Variants in GPATCH2 observed in about 807,000 individuals in gnomAD.
The protein encoded by GPATCH2 is G-patch domain containing 2.
Under a neutral mutation model 58.0 loss-of-function variants are expected in GPATCH2, and 51 were observed. The ratio of observed to expected loss-of-function variants is 0.88; its 90% CI spans 0.70 to 1.11. The LOEUF (loss-of-function observed/expected upper bound fraction) is 1.11, where lower values mean the gene tolerates loss of function less well. GPATCH2 is among the 50% of genes most tolerant of loss of function. The probability of loss-of-function intolerance (pLI) is 0.00; values close to 1 mark genes in which losing one functional copy is unlikely to be tolerated. For synonymous variants in GPATCH2, 222 were observed against 218.5 expected, an observed-to-expected ratio of 1.02 and a Z score of -0.14; for missense variants, 625 against 652.2, an observed-to-expected ratio of 0.96 and a Z score of 0.45.
chr1:217,433,361 C>CATATATATATAT (rs1183174400), intron 9 of GPATCH2, among the ~76,000 whole-genome samples: 2 of 118,584 alleles, frequency 1.7e-5, no homozygotes, highest in African/African-American at 6.6e-5. Context: ...TTAAGCTGTT[C>CATATATATATAT]ATATATATAT....
chr1:217,462,589 T>C (rs566681247), intron 8 of GPATCH2, among the ~76,000 whole-genome samples: 146 of 152,276 alleles, frequency 9.6e-4, no homozygotes, highest in African/African-American at 3.3e-3. Flanking sequence ...TTTCCTCCTA[T>C]GTAAAATGGG....
Position 217,431,092 on chromosome 1 carries a change from G to A in GPATCH2, c.*53C>T, listed in dbSNP as rs1205242819. On this transcript the variant is annotated 3_prime_UTR_variant, in exon 10 of 10. Coordinates refer to ENST00000366935, the MANE Select transcript of GPATCH2 (RefSeq NM_018040.5). ...AAACAGAAGTCATGTTATCATTTTAGAACAATGGGACATAGTGAATAAAGT... is the reference window on the plus strand; with the variant it reads ...AAACAGAAGTCATGTTATCATTTTAAAACAATGGGACATAGTGAATAAAGT... The A allele has an allele frequency of 3.5e-5, 32 of 911,334 alleles. No individual in the cohort carries two copies. The highest frequency in any genetic ancestry group is 5.2e-5 in the Non-Finnish European group (28 of 540,892). The allele number at this position is 911,334 out of a possible 1,614,324, so 56.5% of individuals were successfully genotyped here.
chr1:217,537,478 G>A (rs1386106770), intron 5 of GPATCH2, among the ~76,000 whole-genome samples: 1 of 152,024 alleles, frequency 6.6e-6, no homozygotes, highest in Non-Finnish European at 1.5e-5. Context: ...GATTATAAGT[G>A]CTTTGCACTG....
chr1:217,435,968 T>C (rs1227964983), intron 9 of GPATCH2, among the ~76,000 whole-genome samples: 1 of 152,200 alleles, frequency 6.6e-6, no homozygotes. Flanking sequence ...TTTAAATAGT[T>C]AAGTGCATAA....
At chr1:217,550,422 C>G (rs1353687361) in intron 5 of GPATCH2, among the ~76,000 whole-genome samples, 2 of 151,752 alleles carry the variant, frequency 1.3e-5, no homozygotes, top group African/African-American at 4.8e-5. Flanking sequence ...ATTCATTACC[C>G]TCAAAGTTGA....
intron 5 of GPATCH2, among the ~76,000 whole-genome samples, chr1:217,516,064 ATCTAAAGTAAGCTAC>A (rs543493535): frequency 6.6e-5 from 10 of 151,926 alleles, no homozygotes; most frequent in Non-Finnish European, 1.3e-4. Context: ...AAAATTTAAA[ATCTAAAGTAAGCTAC>A]TCCTTTTTTT....
chr1:217,578,078 A>G (rs1409634901), intron 5 of GPATCH2, among the ~76,000 whole-genome samples: 5 of 105,598 alleles, frequency 4.7e-5, no homozygotes, highest in African/African-American at 1.8e-4. Flanking sequence ...ACTCCACTTC[A>G]TGGGGGTGGG....
intron 6 of GPATCH2, among the ~76,000 whole-genome samples, chr1:217,507,140 A>C (rs1662602367): frequency 6.6e-6 from 1 of 152,204 alleles, no homozygotes; most frequent in African/African-American, 2.4e-5. Flanking sequence ...CTTCTGAATG[A>C]ATGGACAAAT....
At chr1:217,562,108 A>G (rs535303576) in intron 5 of GPATCH2, among the ~76,000 whole-genome samples, 3 of 152,204 alleles carry the variant, frequency 2.0e-5, no homozygotes, top group Non-Finnish European at 4.4e-5. Context: ...CAACCTTAGC[A>G]ATTCCAAATG....
At chr1:217,464,209 T>C (rs1463712263) in intron 8 of GPATCH2, among the ~76,000 whole-genome samples, 1 of 152,112 alleles carries the variant, frequency 6.6e-6, no homozygotes, top group Admixed American at 6.5e-5. Flanking sequence ...ATGTATATAA[T>C]AACATGTGGC....
At chr1:217,622,582 T>C (rs1571673337) in intron 1 of GPATCH2, among the ~76,000 whole-genome samples, 1 of 152,210 alleles carries the variant, frequency 6.6e-6, no homozygotes, top group South Asian at 2.1e-4. Context: ...CTCGCTCTGT[T>C]ACCCAGGCTG....
chr1:217,613,175 A>G (rs1668716886), intron 3 of GPATCH2, among the ~76,000 whole-genome samples: 1 of 152,106 alleles, frequency 6.6e-6, no homozygotes, highest in East Asian at 1.9e-4. Context: ...ATATTTCAGC[A>G]AAGTATCAAC....
chr1:217,630,875 C>T (rs1280034831), intron 1 of GPATCH2, 41 bp downstream of exon 1: 2 of 1,493,046 alleles, frequency 1.3e-6, no homozygotes, highest in East Asian at 2.3e-5. Flanking sequence ...GGCAATCACA[C>T]CCTTCCCTGA....
chr1:217,498,146 A>G, intron 7 of GPATCH2: 1 of 643,242 alleles, frequency 1.6e-6, no homozygotes, highest in South Asian at 1.8e-5. Flanking sequence ...GACTGAAGAC[A>G]GTGGCAGTAA....
At position 217,499,004 on chromosome 1, in the gene GPATCH2, C is replaced by A. The variant is rs143646526; in HGVS notation, c.1167-609G>T. ...CCTTGCCTTCTCACATAGCCTAGCCCAGCCCATTTTGCTTCAGCTGCCCCT... is the reference window on the plus strand; with the variant it reads ...CCTTGCCTTCTCACATAGCCTAGCCAAGCCCATTTTGCTTCAGCTGCCCCT... On this transcript the variant is annotated intron_variant, in intron 6 of 9. Coordinates refer to ENST00000366935, the MANE Select transcript of GPATCH2 (RefSeq NM_018040.5). 7.9e-3 allele frequency among the ~76,000 whole-genome samples: 1,196 copies of A among 152,194 alleles called. 53 individuals are homozygous for A. The highest frequency in any genetic ancestry group is 0.073 in the Admixed American group (1,120 of 15,280).
intron 5 of GPATCH2, among the ~76,000 whole-genome samples, chr1:217,541,469 G>A (rs2102645326): frequency 6.6e-6 from 1 of 152,202 alleles, no homozygotes; most frequent in Non-Finnish European, 1.5e-5. Context: ...CAGATGTCCT[G>A]TCACAGCAGT....
chr1:217,616,344 T>C (rs1242987672), intron 2 of GPATCH2, among the ~76,000 whole-genome samples: 1 of 152,190 alleles, frequency 6.6e-6, no homozygotes, highest in East Asian at 1.9e-4. Context: ...CAAGACTTTC[T>C]ATGGATGGGC....
chr1:217,532,960 G>C (rs1664276300), intron 5 of GPATCH2, among the ~76,000 whole-genome samples: 1 of 141,236 alleles, frequency 7.1e-6, no homozygotes, highest in Admixed American at 7.6e-5. Flanking sequence ...GTGCAGTGGT[G>C]CCATCATAGC....
intron 8 of GPATCH2, among the ~76,000 whole-genome samples, chr1:217,449,745 T>A (rs1659572058): frequency 6.6e-6 from 1 of 152,198 alleles, no homozygotes; most frequent in African/African-American, 2.4e-5. Flanking sequence ...AAAAGTATGA[T>A]CAATTTCTTT....
Sources: allele counts gnomAD v4.1 joint callset (sites outside exome capture counted in the v4.1 genomes callset), GRCh38; gene constraint gnomAD v4.1.1; transcripts MANE v1.5; gene names NCBI Gene and HGNC (gene_info 2026-07-23, HGNC 2026-07-21).